The following BNC2 variants were observed in gnomAD, a reference collection of about 807,000 sequenced individuals.
The protein encoded by BNC2 is basonuclin zinc finger protein 2.
Under a neutral mutation model 76.3 loss-of-function variants are expected in BNC2, and 20 were observed. That is an observed-to-expected ratio of 0.26 (90% CI 0.18 to 0.38). The LOEUF is 0.38. Among genes scored for constraint, BNC2 ranks in the 10% least tolerant of loss-of-function variants. The pLI is 1.00. For missense variants in BNC2, 1,382 were observed against 1,399.8 expected (o/e 0.99, Z 0.20); for synonymous variants, 582 against 514.8 (o/e 1.13, Z -1.77).
chr9:16,545,710 C>G (rs1818460518), intron 5 of BNC2, among the ~76,000 whole-genome samples: 1 of 152,142 alleles, frequency 6.6e-6, no homozygotes, highest in East Asian at 1.9e-4. Flanking sequence ...AGTCACATGG[C>G]CTCATTTACA....
At position 16,618,888 on chromosome 9, in the gene BNC2, C is replaced by A. The variant is rs77670591; in HGVS notation, c.331-35803G>T. Among the ~76,000 whole-genome samples, 62 of 152,186 alleles carry A rather than the reference C, an allele frequency of 4.1e-4. 4 individuals are homozygous for A. In the South Asian group the frequency reaches 0.012, roughly 30 times the overall value. On this transcript the variant is annotated intron_variant, in intron 3 of 6. Coordinates refer to ENST00000380672, the MANE Select transcript of BNC2 (RefSeq NM_017637.6). ...AAAAGGCGCCCTTCTAAAACTCAAA[C>A]GACTTTCAGGAAAGAAGAAATGAAA...
At chr9:16,637,452 C>T (rs373929507) in intron 3 of BNC2, among the ~76,000 whole-genome samples, 43 of 152,272 alleles carry the variant, frequency 2.8e-4, no homozygotes, top group East Asian at 2.7e-3. Flanking sequence ...GGCAAGCCTC[C>T]GCCAGGGAAG....
chr9:16,481,582 A>G (rs1391354128), intron 5 of BNC2, among the ~76,000 whole-genome samples: 1 of 152,224 alleles, frequency 6.6e-6, no homozygotes, highest in East Asian at 1.9e-4. Flanking sequence ...TCATTCTTGA[A>G]GTCAGTGAGA....
Position 16,417,744 on chromosome 9 carries a change from T to C in BNC2, c.*1245A>G, listed in dbSNP as rs1036175085. 3 of 152,682 alleles carry C rather than the reference T, an allele frequency of 2.0e-5. No individual in the cohort carries two copies. The highest frequency in any genetic ancestry group is 4.8e-5 in the African/African-American group (2 of 41,468). 9.5% of individuals were successfully genotyped at this position (152,682 alleles called of 1,614,324 possible). On this transcript the variant is annotated 3_prime_UTR_variant, in exon 7 of 7. Coordinates refer to ENST00000380672, the MANE Select transcript of BNC2 (RefSeq NM_017637.6). ...GTTCCGTAGCGGGTAATTTGGGCTTTTGTATCCTGAAATATTATCCTGCCT... is the reference window on the plus strand; with the variant it reads ...GTTCCGTAGCGGGTAATTTGGGCTTCTGTATCCTGAAATATTATCCTGCCT...
chr9:16,815,112 C>A (rs1294803353), intron 1 of BNC2, among the ~76,000 whole-genome samples: 1 of 152,128 alleles, frequency 6.6e-6, no homozygotes, highest in African/African-American at 2.4e-5. Context: ...TGAAAAGCAG[C>A]TGCCCAAATT....
intron 5 of BNC2, among the ~76,000 whole-genome samples, chr9:16,471,998 G>T (rs549149108): frequency 6.6e-6 from 1 of 152,280 alleles, no homozygotes; most frequent in East Asian, 1.9e-4. Context: ...TGCCATGTAA[G>T]AAGTGCCTTT....
At chr9:16,617,122 G>T (rs577686195) in intron 3 of BNC2, among the ~76,000 whole-genome samples, 1 of 152,140 alleles carries the variant, frequency 6.6e-6, no homozygotes, top group Admixed American at 6.6e-5. Context: ...AATTGATATG[G>T]GGTCATGATC....
At chr9:16,788,435 T>C (rs1240921523) in intron 1 of BNC2, among the ~76,000 whole-genome samples, 8 of 151,208 alleles carry the variant, frequency 5.3e-5, no homozygotes, top group African/African-American at 1.7e-4. Context: ...CTCCTGTAAT[T>C]CCAGCTACTC....
intron 5 of BNC2, among the ~76,000 whole-genome samples, chr9:16,497,851 G>T (rs1056892823): frequency 6.6e-6 from 1 of 151,954 alleles, no homozygotes; most frequent in African/African-American, 2.4e-5. Context: ...CAGATAAAGA[G>T]ACTTTAAGAA....
At chr9:16,555,567 G>A (rs572906967) in intron 4 of BNC2, among the ~76,000 whole-genome samples, 5 of 151,612 alleles carry the variant, frequency 3.3e-5, no homozygotes, top group South Asian at 2.1e-4. Context: ...GAGGCGAGAC[G>A]GCAGATTGCC....
At chr9:16,597,426 C>T (rs1327125945) in intron 3 of BNC2, among the ~76,000 whole-genome samples, 1 of 152,102 alleles carries the variant, frequency 6.6e-6, no homozygotes, top group African/African-American at 2.4e-5. Context: ...TTCAACTTAT[C>T]ACTTTTACTA....
At chr9:16,853,286 T>C (rs1035870372) in intron 1 of BNC2, among the ~76,000 whole-genome samples, 7 of 46,552 alleles carry the variant, frequency 1.5e-4, no homozygotes, top group Non-Finnish European at 2.5e-4. Context: ...GGCATGCAGC[T>C]GTAGGCCCAG....
chr9:16,859,541 G>C (rs993937780), intron 1 of BNC2, among the ~76,000 whole-genome samples: 2 of 152,172 alleles, frequency 1.3e-5, no homozygotes, highest in African/African-American at 4.8e-5. Context: ...TCTGTTGTAT[G>C]CTACAACATA....
At chr9:16,668,914 T>C (rs1273629585) in intron 3 of BNC2, among the ~76,000 whole-genome samples, 5 of 152,176 alleles carry the variant, frequency 3.3e-5, no homozygotes, top group African/African-American at 1.2e-4. Context: ...ATCCATGAGA[T>C]GCAAAGGAGA....
At chr9:16,647,239 C>T (rs1464190146) in intron 3 of BNC2, among the ~76,000 whole-genome samples, 2 of 152,094 alleles carry the variant, frequency 1.3e-5, no homozygotes, top group Non-Finnish European at 2.9e-5. Context: ...AACTTGCTGA[C>T]TCGGGTGTCC....
At chr9:16,858,241 C>G (rs1462086171) in intron 1 of BNC2, among the ~76,000 whole-genome samples, 1 of 152,126 alleles carries the variant, frequency 6.6e-6, no homozygotes, top group Admixed American at 6.5e-5. Flanking sequence ...TACTTAATTC[C>G]ACCCTTCAGG....
chr9:16,495,851 C>T (rs1822376853), intron 5 of BNC2, among the ~76,000 whole-genome samples: 1 of 151,966 alleles, frequency 6.6e-6, no homozygotes, highest in South Asian at 2.1e-4. Context: ...TGTTACACTA[C>T]CCTGGACTAG....
intron 5 of BNC2, among the ~76,000 whole-genome samples, chr9:16,456,418 A>G (rs1370407047): frequency 6.6e-6 from 1 of 151,570 alleles, no homozygotes; most frequent in Non-Finnish European, 1.5e-5. Context: ...ACAAAATCAG[A>G]GTCCTGGGAG....
chr9:16,628,065 C>T (rs1821048401), intron 3 of BNC2, among the ~76,000 whole-genome samples: 1 of 152,030 alleles, frequency 6.6e-6, no homozygotes, highest in Non-Finnish European at 1.5e-5. Context: ...GTGTTTTTAC[C>T]ACATCCTAAC....
Sources: allele counts gnomAD v4.1 joint callset (sites outside exome capture counted in the v4.1 genomes callset), GRCh38; gene constraint gnomAD v4.1.1; transcripts MANE v1.5; gene names NCBI Gene and HGNC (gene_info 2026-07-23, HGNC 2026-07-21).